MAN2A2: variants seen among roughly 807,000 people sequenced by gnomAD.
MAN2A2 encodes alpha-mannosidase 2x.
A neutral mutation model predicts 126.8 loss-of-function variants in MAN2A2; 79 were observed. That is an observed-to-expected ratio of 0.62 (90% CI 0.52 to 0.75). The LOEUF is 0.75. Ranked by LOEUF, MAN2A2 falls within the 30% of genes least tolerant of loss-of-function variation. The pLI is 0.00. For synonymous variants in MAN2A2, 671 were observed against 618.7 expected, an observed-to-expected ratio of 1.08 and a Z score of -1.25; for missense variants, 1,392 against 1,522.4, an observed-to-expected ratio of 0.91 and a Z score of 1.43.
chr15:90,909,221 T>C, intron 8 of MAN2A2, 106 bp from the exon 9 acceptor site: 1 of 1,132,524 alleles, frequency 8.8e-7, no homozygotes, highest in Non-Finnish European at 1.3e-6. Context: ...AACCACTCCT[T>C]GGTGGATGGG....
chr15:90,914,068 G>A (rs1255640047), intron 19 of MAN2A2, among the ~76,000 whole-genome samples: 1 of 152,244 alleles, frequency 6.6e-6, no homozygotes, highest in Non-Finnish European at 1.5e-5. Context: ...GCTAGGCACA[G>A]TGGTTCACTC....
In MAN2A2 at chr15:90,905,487, G is replaced by C; in HGVS notation, c.369G>C (p.Arg123=). Residue 123 remains arginine, a synonymous_variant, in exon 3 of 23, where the codon CGG becomes CGC. Coordinates refer to ENST00000559717, the MANE Select transcript of MAN2A2 (RefSeq NM_006122.4). ...PQDCQFALGG[R]GQKPELQMLT... ...ACTGCCAGTTTGCTTTGGGGGGCCGGGGTCAGAAGCCAGAGCTGCAGGTAA... is the reference window on the plus strand; with the variant it reads ...ACTGCCAGTTTGCTTTGGGGGGCCGCGGTCAGAAGCCAGAGCTGCAGGTAA... 6.2e-7 allele frequency: 1 copy of C among 1,614,058 alleles called. No homozygotes were observed. Among genetic ancestry groups the C allele is most frequent in the South Asian group, 1.1e-5 (1 of 91,082 alleles).
chr15:90,913,026 G>A, intron 17 of MAN2A2, 35 bp downstream of exon 17: 1 of 1,551,388 alleles, frequency 6.4e-7, no homozygotes, highest in South Asian at 1.1e-5. Flanking sequence ...TCTGGAAGGA[G>A]GTGTGGGCTC....
In MAN2A2 at chr15:90,920,800, G is replaced by C. The variant is rs1318020341; in HGVS notation, c.*1013G>C. The C allele has an allele frequency of 6.6e-6, 1 of 152,228 alleles. No individual in the cohort carries two copies. The highest frequency in any genetic ancestry group is 6.5e-5 in the Admixed American group (1 of 15,268). The allele number at this position is 152,228 out of a possible 1,614,324, so 9.4% of individuals were successfully genotyped here. On this transcript the variant is annotated 3_prime_UTR_variant, in exon 23 of 23. Coordinates refer to ENST00000559717, the MANE Select transcript of MAN2A2 (RefSeq NM_006122.4). Reference sequence around the variant, plus strand: ...TTCAGTTCCTGGCACAGGGGACTAGGGGCATGTAGAGTATATGAGGAGGCA... The same window carrying C: ...TTCAGTTCCTGGCACAGGGGACTAGCGGCATGTAGAGTATATGAGGAGGCA...
At chr15:90,909,584 C>T (rs549210535) in intron 9 of MAN2A2, 80 bp downstream of exon 9, 2 of 1,384,390 alleles carry the variant, frequency 1.4e-6, no homozygotes, top group African/African-American at 1.5e-5. Flanking sequence ...CCTGGGTTCC[C>T]AACTCGGGCA....
At chr15:90,919,164 C>T (rs1021080744) in intron 22 of MAN2A2, among the ~76,000 whole-genome samples, 2 of 152,224 alleles carry the variant, frequency 1.3e-5, no homozygotes, top group Non-Finnish European at 2.9e-5. Flanking sequence ...CTCAGTGGAA[C>T]GGTTCTTACC....
intron 19 of MAN2A2, among the ~76,000 whole-genome samples, chr15:90,914,945 C>A (rs2035052895): frequency 6.6e-6 from 1 of 152,224 alleles, no homozygotes; most frequent in African/African-American, 2.4e-5. Flanking sequence ...ACAGTTTGCA[C>A]TTGGTGGCAT....
At chr15:90,915,880 G>T in intron 19 of MAN2A2, 1 of 478,692 alleles carries the variant, frequency 2.1e-6, no homozygotes. Flanking sequence ...GGGGTAAACT[G>T]CCAGGGCCAG....
chr15:90,909,979 G>T (rs2034596392), intron 9 of MAN2A2, 111 bp from the exon 10 acceptor site: 1 of 909,052 alleles, frequency 1.1e-6, no homozygotes, highest in Non-Finnish European at 1.7e-6. Flanking sequence ...AGGATGTACA[G>T]TTCCTGCTTC....
Position 90,922,286 on chromosome 15 carries a change from A to C in MAN2A2, c.*2499A>C, listed in dbSNP as rs565997091. 7.9e-5 allele frequency: 12 copies of C among 152,332 alleles called. No individual in the cohort carries two copies. The East Asian group carries it at 2.3e-3, about 29-fold the overall frequency. 9.4% of individuals were successfully genotyped at this position (152,332 alleles called of 1,614,324 possible). Reference sequence around the variant, plus strand: ...AAGCTGCCACCTAAAGACAAGAGTGAGAGGGCTGAGTTCTTCCAGGTCATC... The same window carrying C: ...AAGCTGCCACCTAAAGACAAGAGTGCGAGGGCTGAGTTCTTCCAGGTCATC... On this transcript the variant is annotated 3_prime_UTR_variant, in exon 23 of 23. Coordinates refer to ENST00000559717, the MANE Select transcript of MAN2A2 (RefSeq NM_006122.4).
chr15:90,913,138 C>A (rs2034895934), intron 17 of MAN2A2, 135 bp from the exon 18 acceptor site: 2 of 1,267,922 alleles, frequency 1.6e-6, no homozygotes, highest in East Asian at 4.7e-5. Flanking sequence ...AAAAAGTCAT[C>A]CAGAAATGCC....
rs756408535 is a variant in MAN2A2, at chr15:90,919,949, C to G, written c.*162C>G. On this transcript the variant is annotated 3_prime_UTR_variant, in exon 23 of 23. Transcript: ENST00000559717. ...CTGTTTATTGCTGCTGCTGTGTTTTCGGCGCAACCCACAAACCCAGTGATG... is the reference window on the plus strand; with the variant it reads ...CTGTTTATTGCTGCTGCTGTGTTTTGGGCGCAACCCACAAACCCAGTGATG... 1 of 823,026 alleles carries G rather than the reference C, an allele frequency of 1.2e-6. No individual in the cohort carries two copies. The highest frequency in any genetic ancestry group is 1.9e-6 in the Non-Finnish European group (1 of 536,314). The allele number at this position is 823,026 out of a possible 1,614,324, so 51.0% of individuals were successfully genotyped here.
At chr15:90,912,515 A>G (rs2034835387) in intron 15 of MAN2A2, 27 bp from the exon 16 acceptor site, 2 of 1,610,520 alleles carry the variant, frequency 1.2e-6, no homozygotes, top group African/African-American at 1.3e-5. Flanking sequence ...GTGTGGGGCC[A>G]GGGGTCAGGG....
At position 90,910,536 on chromosome 15, in the gene MAN2A2, A is replaced by C; in HGVS notation, c.1613A>C (p.His538Pro). ...AEVLYSLAAAHARRSGLAGRY... is the reference protein window; with the variant it reads ...AEVLYSLAAAPARRSGLAGRY... ...GTTCTGTACAGCCTGGCTGCAGCTC[A>C]CGCTCGCCGCTCTGGTCTGGCTGGC... is the stretch of plus-strand genomic sequence containing the variant. Residue 538 changes from histidine (H) to proline (P), a missense_variant, in exon 11 of 23, where the codon CAC (histidine) becomes CCC (proline). Transcript: ENST00000559717. 6.2e-7 allele frequency: 1 copy of C among 1,614,054 alleles called. No individual in the cohort carries two copies. The highest frequency in any genetic ancestry group is 8.5e-7 in the Non-Finnish European group (1 of 1,180,036).
chr15:90,919,381 G>C (rs2035428061), intron 22 of MAN2A2, among the ~76,000 whole-genome samples: 3 of 152,264 alleles, frequency 2.0e-5, no homozygotes. Context: ...TGGGATTACA[G>C]GCGCCTGCCC....
In MAN2A2 at chr15:90,905,613, A is replaced by G. The variant is rs948623210; in HGVS notation, c.425A>G (p.Asn142Ser). Reference protein sequence around the residue: ...LTVSEELPFDNVDGGVWRQGF... With the variant: ...LTVSEELPFDSVDGGVWRQGF... ...GTGTCGGAGGAGCTGCCGTTTGACA[A>G]CGTGGATGGTGGTGTGTGGAGGCAA... The change falls in exon 4 of 23, where the codon AAC becomes AGC. Residue 142 changes from asparagine to serine, a missense_variant. Physicochemically the swap from Asn to Ser is conservative, Grantham distance 46 (BLOSUM62 1). Coordinates refer to ENST00000559717, the MANE Select transcript of MAN2A2 (RefSeq NM_006122.4). 5 of 1,614,054 alleles carry G rather than the reference A, an allele frequency of 3.1e-6. No individual in the cohort carries two copies. The African/African-American group carries it at 4.0e-5, about 13-fold the overall frequency.
At chr15:90,914,150 G>A (rs962926019) in intron 19 of MAN2A2, among the ~76,000 whole-genome samples, 3 of 152,228 alleles carry the variant, frequency 2.0e-5, no homozygotes, top group Non-Finnish European at 4.4e-5. Flanking sequence ...GCAACAAAGC[G>A]AGACCCAGGC....
chr15:90,906,574 G>A lies in MAN2A2; in HGVS notation c.835+77G>A, dbSNP rs138836756. ...GCAGGGGCTGTAAGGCACAGGGATC[G>A]GCAGGGGGTGGTTCCTTTCTAGGCA... On this transcript the variant is annotated intron_variant, in intron 6 of 22. Coordinates refer to ENST00000559717, the MANE Select transcript of MAN2A2 (RefSeq NM_006122.4). 2.1e-4 allele frequency: 330 copies of A among 1,605,804 alleles called. No individual in the cohort carries two copies. In the East Asian group the frequency reaches 2.2e-3, roughly 11 times the overall value.
intron 8 of MAN2A2, among the ~76,000 whole-genome samples, chr15:90,908,079 C>T (rs908232654): frequency 6.6e-6 from 1 of 152,176 alleles, no homozygotes; most frequent in African/African-American, 2.4e-5. Context: ...CCCTGATGTC[C>T]AAGAGTTGAA....
Sources: allele counts gnomAD v4.1 joint callset (sites outside exome capture counted in the v4.1 genomes callset), GRCh38; gene constraint gnomAD v4.1.1; transcripts MANE v1.5; gene names NCBI Gene and HGNC (gene_info 2026-07-23, HGNC 2026-07-21).